MNAT1: variants seen among roughly 807,000 people sequenced by gnomAD.
The protein encoded by MNAT1 is MNAT1 component of CDK activating kinase.
MNAT1 carries 43 observed loss-of-function variants against 42.0 expected under a neutral mutation model. The ratio of observed to expected loss-of-function variants is 1.02; its 90% CI spans 0.80 to 1.32. The LOEUF is 1.32. MNAT1 is among the 40% of genes most tolerant of loss of function. The probability of loss-of-function intolerance (pLI) is 0.00; values close to 1 mark genes in which losing one functional copy is unlikely to be tolerated. For synonymous variants in MNAT1, 118 were observed against 120.0 expected (o/e 0.98, Z 0.11); for missense variants, 306 against 350.4 (o/e 0.87, Z 1.01).
At chr14:60,835,356 A>G (rs1168375507) in intron 6 of MNAT1, among the ~76,000 whole-genome samples, 1 of 151,952 alleles carries the variant, frequency 6.6e-6, no homozygotes, top group African/African-American at 2.4e-5. Context: ...GGTCTTTACA[A>G]TTTGCCTTGT....
intron 7 of MNAT1, among the ~76,000 whole-genome samples, chr14:60,890,014 CAG>C (rs946747848): frequency 2.6e-5 from 4 of 152,256 alleles, no homozygotes; most frequent in Admixed American, 2.6e-4. Context: ...GACTGTAAAC[CAG>C]TTCAACCATT....
intron 6 of MNAT1, among the ~76,000 whole-genome samples, chr14:60,823,513 T>C (rs115957774): frequency 1.2e-3 from 182 of 152,360 alleles, no homozygotes; most frequent in African/African-American, 4.1e-3. Context: ...TTAAGACTTC[T>C]ATTACCTTTA....
chr14:60,871,542 A>G (rs2034324125), intron 6 of MNAT1, among the ~76,000 whole-genome samples: 1 of 151,522 alleles, frequency 6.6e-6, no homozygotes, highest in Non-Finnish European at 1.5e-5. Flanking sequence ...GCATCTTTTC[A>G]TGTTCTTATT....
chr14:60,850,329 T>A (rs1300428791), intron 6 of MNAT1, among the ~76,000 whole-genome samples: 2 of 152,220 alleles, frequency 1.3e-5, no homozygotes, highest in African/African-American at 2.4e-5. Context: ...TAGCAAAGTT[T>A]CACTGTTTTA....
intron 6 of MNAT1, among the ~76,000 whole-genome samples, chr14:60,836,969 C>A (rs927624595): frequency 3.3e-5 from 5 of 152,196 alleles, no homozygotes; most frequent in Non-Finnish European, 7.4e-5. Context: ...GGCAGTCAGG[C>A]TACAGCAGCT....
chr14:60,805,576 C>T (rs981615630), intron 3 of MNAT1, among the ~76,000 whole-genome samples: 2 of 152,174 alleles, frequency 1.3e-5, no homozygotes, highest in Non-Finnish European at 2.9e-5. Flanking sequence ...TTCCTCCCTA[C>T]CCCAACCCCT....
At chr14:60,936,890 G>C (rs528485051) in intron 7 of MNAT1, among the ~76,000 whole-genome samples, 1 of 152,048 alleles carries the variant, frequency 6.6e-6, no homozygotes, top group East Asian at 1.9e-4. Context: ...AGCACCTGTT[G>C]TTTCCTGACT....
chr14:60,835,835 C>A (rs570161644), intron 6 of MNAT1, among the ~76,000 whole-genome samples: 15 of 152,314 alleles, frequency 9.8e-5, no homozygotes, highest in African/African-American at 3.4e-4. Flanking sequence ...TGTTTTCCAG[C>A]TTGGTTCCGT....
At chr14:60,873,928 T>A (rs2034382196) in intron 6 of MNAT1, among the ~76,000 whole-genome samples, 1 of 152,178 alleles carries the variant, frequency 6.6e-6, no homozygotes, top group Non-Finnish European at 1.5e-5. Flanking sequence ...GATTGAACAT[T>A]TAGTTTCCTT....
At chr14:60,746,411 A>C (rs186572376) in intron 1 of MNAT1, among the ~76,000 whole-genome samples, 17 of 151,848 alleles carry the variant, frequency 1.1e-4, no homozygotes, top group Admixed American at 6.6e-4. Flanking sequence ...GCTACTCGGG[A>C]GGATGAGGCA....
At chr14:60,746,359 C>T (rs1169138616) in intron 1 of MNAT1, among the ~76,000 whole-genome samples, 3 of 151,788 alleles carry the variant, frequency 2.0e-5, no homozygotes, top group East Asian at 1.9e-4. Flanking sequence ...ACTAAAAATA[C>T]AAAAAATTAG....
chr14:60,879,624 G>A (rs2034504629), intron 6 of MNAT1, 90 bp from the exon 7 acceptor site: 2 of 1,297,040 alleles, frequency 1.5e-6, no homozygotes, highest in Admixed American at 2.0e-5. Flanking sequence ...TCTAATGTGA[G>A]GAATTTAATT....
intron 6 of MNAT1, among the ~76,000 whole-genome samples, chr14:60,871,626 ATT>A (rs780054741): frequency 1.4e-5 from 2 of 143,494 alleles, no homozygotes; most frequent in African/African-American, 2.5e-5. Flanking sequence ...CAATTCTAGG[ATT>A]TTTTTTTTTT....
At chr14:60,743,105 T>G (rs907843344) in intron 1 of MNAT1, among the ~76,000 whole-genome samples, 4 of 152,194 alleles carry the variant, frequency 2.6e-5, no homozygotes, top group Admixed American at 6.5e-5. Flanking sequence ...AGGGCTCTAG[T>G]CTCTCTATGT....
At chr14:60,898,095 T>TTG (rs756357048) in intron 7 of MNAT1, among the ~76,000 whole-genome samples, 2,611 of 143,730 alleles carry the variant, frequency 0.018, 46 homozygotes, top group African/African-American at 0.055. Flanking sequence ...TAGTAATACA[T>TTG]TGTGTGTGTG....
chr14:60,797,621 T>G (rs2032059410), intron 2 of MNAT1, among the ~76,000 whole-genome samples: 1 of 152,134 alleles, frequency 6.6e-6, no homozygotes, highest in Admixed American at 6.6e-5. Context: ...GTTACAAACC[T>G]GGTGTCAAGA....
rs552597887 is a variant in MNAT1, at chr14:60,907,028, A to G, written c.809+27193A>G. Among the ~76,000 whole-genome samples the G allele has an allele frequency of 3.7e-4, 57 of 152,248 alleles. No homozygotes were observed. The Middle Eastern group carries it at 0.017, about 45-fold the overall frequency. ...TAGCCTCACTCAAGAGTAAATTTAT[A>G]TGGTTTTGGAATTTTTCAAGCTCCT... On this transcript the variant is annotated intron_variant, in intron 7 of 7. Coordinates refer to ENST00000261245, the MANE Select transcript of MNAT1 (RefSeq NM_002431.4).
intron 7 of MNAT1, among the ~76,000 whole-genome samples, chr14:60,907,152 G>T (rs1352331078): frequency 6.6e-6 from 1 of 152,162 alleles, no homozygotes; most frequent in Admixed American, 6.5e-5. Flanking sequence ...TTATAAAGAT[G>T]AAGAAACAGC....
chr14:60,926,898 C>T (rs2035778629), intron 7 of MNAT1, among the ~76,000 whole-genome samples: 1 of 152,030 alleles, frequency 6.6e-6, no homozygotes, highest in African/African-American at 2.4e-5. Flanking sequence ...CATTCAGGAA[C>T]CCATAAGATT....
Sources: allele counts gnomAD v4.1 joint callset (sites outside exome capture counted in the v4.1 genomes callset), GRCh38; gene constraint gnomAD v4.1.1; transcripts MANE v1.5; gene names NCBI Gene and HGNC (gene_info 2026-07-23, HGNC 2026-07-21).